Variants in FBN1 observed in about 807,000 individuals in gnomAD.
FBN1 encodes the protein fibrillin 1, also known as fibrillin-1.
FBN1 carries 29 observed loss-of-function variants against 365.1 expected under a neutral mutation model. The observed-to-expected ratio is 0.08, with a 90% CI of 0.06 to 0.11. The LOEUF (loss-of-function observed/expected upper bound fraction) is 0.11. Ranked by LOEUF, FBN1 falls within the 10% of genes least tolerant of loss-of-function variation. The pLI is 1.00. For synonymous variants in FBN1, 1,210 were observed against 1,270.5 expected (o/e 0.95, Z 1.01); for missense variants, 2,476 against 3,703.2 (o/e 0.67, Z 8.60).
At chr15:48,638,079 G>A (rs1005941643) in intron 2 of FBN1, among the ~76,000 whole-genome samples, 4 of 150,636 alleles carry the variant, frequency 2.7e-5, no homozygotes, top group African/African-American at 9.9e-5. Context: ...CTGTCGCCCA[G>A]GCTAGAGTGC....
intron 2 of FBN1, among the ~76,000 whole-genome samples, chr15:48,628,122 T>C (rs1465989912): frequency 6.6e-6 from 1 of 152,124 alleles, no homozygotes; most frequent in Non-Finnish European, 1.5e-5. Context: ...AACACACGGG[T>C]GATGTGCCTG....
chr15:48,638,037 C>CTT (rs72166602), intron 2 of FBN1, among the ~76,000 whole-genome samples: 2,478 of 144,664 alleles, frequency 0.017, 80 homozygotes, highest in African/African-American at 0.06. Flanking sequence ...CACTGATAAA[C>CTT]TTTTTTTTTT....
At chr15:48,436,063 T>C (rs1335036212) in intron 53 of FBN1, among the ~76,000 whole-genome samples, 3 of 152,090 alleles carry the variant, frequency 2.0e-5, no homozygotes, top group African/African-American at 7.2e-5. Flanking sequence ...CATATGCACA[T>C]ATTAGCACTA....
At chr15:48,596,941 T>C (rs953262238) in intron 5 of FBN1, among the ~76,000 whole-genome samples, 5 of 152,226 alleles carry the variant, frequency 3.3e-5, no homozygotes. Context: ...GGGCAGGATA[T>C]TTTGCTTGTT....
intron 16 of FBN1, 109 bp from the exon 17 acceptor site, chr15:48,504,048 A>G: frequency 7.8e-7 from 1 of 1,280,692 alleles, no homozygotes; most frequent in South Asian, 1.2e-5. Context: ...GGTGTAACTC[A>G]CAGGGAATGC....
At position 48,422,044 on chromosome 15, in the gene FBN1, T is replaced by A. The variant is rs1175211527; in HGVS notation, c.7478A>T (p.Gln2493Leu). 1.9e-6 allele frequency: 3 copies of A among 1,613,726 alleles called. No homozygotes were observed. The South Asian group carries it at 3.3e-5, about 18-fold the overall frequency. ...CKDLDECATKQHNCQFLCVNT... is the reference protein window; with the variant it reads ...CKDLDECATKLHNCQFLCVNT... The stretch of plus-strand genomic sequence containing the variant: ...AACACATAGGAACTGGCAGTTGTGT[T>A]GCTTGGTTGCACACTCATCAAGATC... The change falls in exon 61 of 66, where the codon CAA (glutamine) becomes CTA (leucine). Residue 2493 changes from glutamine to leucine, a missense_variant. Gln to Leu is a moderately radical substitution (Grantham distance 113, BLOSUM62 -2). This residue lies in a region of FBN1 where 1,780 missense variants were observed against 2,840.8 expected (regional missense o/e 0.63). Transcript: ENST00000316623.
At chr15:48,516,734 G>T (rs1384492182) in intron 10 of FBN1, among the ~76,000 whole-genome samples, 2 of 152,180 alleles carry the variant, frequency 1.3e-5, no homozygotes, top group East Asian at 3.8e-4. Flanking sequence ...TTTATGCGCA[G>T]TGCAAAACCA....
At position 48,476,376 on chromosome 15, in the gene FBN1, A is replaced by G. The variant is rs539489878; in HGVS notation, c.3965-1726T>C. ...TGTGGACACAAAAAGCTTCAATTGCATAAGTATCAAAGCCTCCAGATGTTA... is the reference window on the plus strand; with the variant it reads ...TGTGGACACAAAAAGCTTCAATTGCGTAAGTATCAAAGCCTCCAGATGTTA... On this transcript the variant is annotated intron_variant, in intron 32 of 65. Coordinates refer to ENST00000316623, the MANE Select transcript of FBN1 (RefSeq NM_000138.5). 8.5e-5 allele frequency among the ~76,000 whole-genome samples: 13 copies of G among 152,300 alleles called. 1 individual carries two copies. The highest frequency in any genetic ancestry group is 2.4e-4 in the African/African-American group (10 of 41,560).
intron 33 of FBN1, 60 bp downstream of exon 33, chr15:48,474,467 AT>A: frequency 6.2e-7 from 1 of 1,613,158 alleles, no homozygotes; most frequent in Non-Finnish European, 8.5e-7. Context: ...CATAATTAAT[AT>A]TTTCATATGT....
intron 6 of FBN1, among the ~76,000 whole-genome samples, chr15:48,560,033 G>C (rs1239651695): frequency 6.6e-6 from 1 of 152,112 alleles, no homozygotes; most frequent in Non-Finnish European, 1.5e-5. Flanking sequence ...CAGAATTCAT[G>C]GGCCTCCTTT....
intron 6 of FBN1, among the ~76,000 whole-genome samples, chr15:48,595,203 T>C (rs1419949899): frequency 6.6e-6 from 1 of 152,238 alleles, no homozygotes; most frequent in Non-Finnish European, 1.5e-5. Flanking sequence ...AGATAAATTA[T>C]AAACACAGAC....
intron 16 of FBN1, among the ~76,000 whole-genome samples, chr15:48,504,499 C>A (rs1426131634): frequency 6.6e-6 from 1 of 152,180 alleles, no homozygotes. Flanking sequence ...TCCTGCTATG[C>A]CCTATCCTTT....
intron 6 of FBN1, among the ~76,000 whole-genome samples, chr15:48,576,193 C>T (rs552023143): frequency 4.6e-5 from 7 of 152,338 alleles, no homozygotes; most frequent in Non-Finnish European, 8.8e-5. Context: ...ATCTCCCTCC[C>T]TTCATGGTGA....
rs183840687 is a variant in FBN1 at position 48,506,492 on chromosome 15, T to C, written c.1838-1345A>G. Among the ~76,000 whole-genome samples, 276 of 152,366 alleles carry C rather than the reference T, an allele frequency of 1.8e-3. 5 individuals are homozygous for C. Among genetic ancestry groups the C allele is most frequent in the Non-Finnish European group, 1.3e-3 (88 of 68,032 alleles). On this transcript the variant is annotated intron_variant, in intron 15 of 65. Transcript: ENST00000316623. ...GTTAGTTATTCTGGTCAACTTTTTATTCAAATTGTGACACACAGCAAAACG... is the reference window on the plus strand; with the variant it reads ...GTTAGTTATTCTGGTCAACTTTTTACTCAAATTGTGACACACAGCAAAACG...
At chr15:48,602,845 T>A (rs189149794) in intron 4 of FBN1, among the ~76,000 whole-genome samples, 1 of 152,336 alleles carries the variant, frequency 6.6e-6, no homozygotes, top group African/African-American at 2.4e-5. Flanking sequence ...TGCTTTAAAT[T>A]TGAAGTTAAA....
chr15:48,619,820 C>T (rs905022794), intron 2 of FBN1, among the ~76,000 whole-genome samples: 6 of 150,726 alleles, frequency 4.0e-5, no homozygotes, highest in Admixed American at 1.3e-4. Flanking sequence ...AATCATGACA[C>T]GAGTTTACCT....
At chr15:48,479,715 A>T (rs2043452183) in intron 32 of FBN1, among the ~76,000 whole-genome samples, 1 of 152,234 alleles carries the variant, frequency 6.6e-6, no homozygotes, top group Admixed American at 6.5e-5. Flanking sequence ...CACTTCATGC[A>T]ACTGTAGTGC....
chr15:48,630,993 TAG>T (rs1393067562), intron 2 of FBN1, among the ~76,000 whole-genome samples: 1 of 152,182 alleles, frequency 6.6e-6, no homozygotes, highest in Non-Finnish European at 1.5e-5. Flanking sequence ...CGCAACTTCT[TAG>T]AGTTTACTGC....
At chr15:48,619,053 C>T (rs535634775) in intron 2 of FBN1, among the ~76,000 whole-genome samples, 5 of 152,092 alleles carry the variant, frequency 3.3e-5, no homozygotes, top group Non-Finnish European at 2.9e-5. Context: ...ATGTAATGAG[C>T]TTGAATCATC....
Sources: allele counts gnomAD v4.1 joint callset (sites outside exome capture counted in the v4.1 genomes callset), GRCh38; gene constraint gnomAD v4.1.1; regional missense constraint gnomAD v4.1.1; transcripts MANE v1.5; gene names NCBI Gene and HGNC (gene_info 2026-07-23, HGNC 2026-07-21).